DGKB: variants seen among roughly 807,000 people sequenced by gnomAD.
DGKB encodes diacylglycerol kinase beta, also known as 90 kDa diacylglycerol kinase.
DGKB carries 67 observed loss-of-function variants against 114.3 expected under a neutral mutation model. The observed-to-expected ratio is 0.59, with a 90% CI of 0.48 to 0.72. DGKB has a LOEUF of 0.72. Among genes scored for constraint, DGKB ranks in the 30% least tolerant of loss-of-function variants. The probability of loss-of-function intolerance (pLI) is 0.00; values close to 1 mark genes in which losing one functional copy is unlikely to be tolerated. For synonymous variants in DGKB, 398 were observed against 323.1 expected (o/e 1.23, Z -2.49); for missense variants, 907 against 975.2 (o/e 0.93, Z 0.93).
In DGKB at chr7:14,880,439, C is replaced by G. The variant is rs566988405; in HGVS notation, c.-188+22153G>C. ...TGCCATTGCACTCCAGCCTTGGCAA[C>G]AGAGTGAGACTCCATCTCAAATAAA... On this transcript the variant is annotated intron_variant, in intron 1 of 25. Coordinates refer to ENST00000402815, the MANE Select transcript of DGKB (RefSeq NM_001350709.2). Among the ~76,000 whole-genome samples the G allele has an allele frequency of 1.7e-4, 26 of 152,258 alleles. No individual in the cohort carries two copies. In the South Asian group the frequency reaches 5.0e-3, roughly 29 times the overall value.
At chr7:14,281,382 A>C (rs2128455372) in intron 23 of DGKB, among the ~76,000 whole-genome samples, 1 of 125,864 alleles carries the variant, frequency 7.9e-6, no homozygotes, top group Admixed American at 8.7e-5. Context: ...TGACCTACAA[A>C]GAGACTTAGA....
intron 1 of DGKB, among the ~76,000 whole-genome samples, chr7:14,933,987 T>C (rs1280521567): frequency 6.6e-6 from 1 of 152,180 alleles, no homozygotes; most frequent in Non-Finnish European, 1.5e-5. Context: ...ATTGAGTCTG[T>C]AGAAAAATGA....
chr7:14,733,778 G>GAAAAAGAAAGA lies in DGKB; in HGVS notation c.322+2262_322+2263insTCTTTCTTTTT, dbSNP rs766452135. 4.1e-5 allele frequency among the ~76,000 whole-genome samples: 6 copies of GAAAAAGAAAGA among 145,246 alleles called. No homozygotes were observed. The East Asian group carries it at 1.3e-3, about 31-fold the overall frequency. ...GAAAGAAAGAAAGAAAGAAAGAAAGGAAGAAAGAAAGAAGGGAGAGAGGGA... is the reference window on the plus strand; with the variant it reads ...GAAAGAAAGAAAGAAAGAAAGAAAGGAAAAAGAAAGAAAGAAAGAAAGAAGGGAGAGAGGGA... On this transcript the variant is annotated intron_variant, in intron 5 of 25. Coordinates refer to ENST00000402815, the MANE Select transcript of DGKB (RefSeq NM_001350709.2).
intron 23 of DGKB, among the ~76,000 whole-genome samples, chr7:14,232,438 C>CTAT (rs1288065882): frequency 1.3e-5 from 2 of 149,304 alleles, no homozygotes; most frequent in African/African-American, 2.5e-5. Flanking sequence ...ATTATTATTA[C>CTAT]TATTATTATT....
At chr7:14,425,704 GGA>G (rs1563158286) in intron 21 of DGKB, among the ~76,000 whole-genome samples, 1 of 152,082 alleles carries the variant, frequency 6.6e-6, no homozygotes, top group Admixed American at 6.6e-5. Flanking sequence ...TGTAACAGCA[GGA>G]GAGAGAAGAC....
chr7:14,504,650 C>T (rs1182070356), intron 20 of DGKB, among the ~76,000 whole-genome samples: 1 of 152,016 alleles, frequency 6.6e-6, no homozygotes, highest in East Asian at 1.9e-4. Flanking sequence ...TAGTCACAGG[C>T]ATCAATAAGT....
intron 15 of DGKB, among the ~76,000 whole-genome samples, chr7:14,615,691 G>A (rs934310878): frequency 1.7e-4 from 26 of 151,842 alleles, no homozygotes; most frequent in African/African-American, 6.0e-4. Context: ...CAATCAATTA[G>A]CAACCATTAT....
At chr7:14,707,193 A>G (rs2129021685) in intron 6 of DGKB, among the ~76,000 whole-genome samples, 1 of 128,148 alleles carries the variant, frequency 7.8e-6, no homozygotes, top group East Asian at 3.4e-4. Context: ...AAACACCTCT[A>G]TGCAAATAAA....
At chr7:14,280,532 A>T (rs1456885089) in intron 23 of DGKB, among the ~76,000 whole-genome samples, 2 of 148,764 alleles carry the variant, frequency 1.3e-5, no homozygotes, top group African/African-American at 4.9e-5. Context: ...ACTCCTCGAG[A>T]AGAGCAACTC....
chr7:14,809,612 T>C (rs1562593357), intron 2 of DGKB, among the ~76,000 whole-genome samples: 4 of 151,604 alleles, frequency 2.6e-5, no homozygotes, highest in African/African-American at 7.3e-5. Context: ...ACTGGGACAA[T>C]ATTTTTTTTT....
intron 23 of DGKB, among the ~76,000 whole-genome samples, chr7:14,329,845 C>G (rs1467835939): frequency 2.0e-5 from 3 of 151,912 alleles, no homozygotes; most frequent in African/African-American, 7.2e-5. Context: ...TATTATCAGG[C>G]AATATTTATT....
At chr7:14,646,093 A>C (rs896862494) in intron 13 of DGKB, among the ~76,000 whole-genome samples, 12 of 152,204 alleles carry the variant, frequency 7.9e-5, no homozygotes, top group African/African-American at 2.9e-4. Flanking sequence ...ATTAAAAAAC[A>C]ACAAGATCCA....
intron 20 of DGKB, among the ~76,000 whole-genome samples, chr7:14,482,993 G>A (rs1028480670): frequency 4.0e-5 from 6 of 151,800 alleles, no homozygotes. Flanking sequence ...AATCATCTGT[G>A]AAATGTTGGC....
At chr7:14,370,857 C>T (rs991950816) in intron 21 of DGKB, among the ~76,000 whole-genome samples, 4 of 152,010 alleles carry the variant, frequency 2.6e-5, no homozygotes, top group African/African-American at 7.2e-5. Context: ...TCTATTGTTG[C>T]CATGTTTGTC....
At chr7:14,595,514 T>C (rs1015929598) in intron 17 of DGKB, among the ~76,000 whole-genome samples, 2 of 138,278 alleles carry the variant, frequency 1.4e-5, no homozygotes, top group African/African-American at 5.8e-5. Flanking sequence ...ATGTAGGGCC[T>C]GATGTTTATA....
intron 21 of DGKB, among the ~76,000 whole-genome samples, chr7:14,387,590 T>G (rs1234740563): frequency 1.3e-5 from 2 of 152,002 alleles, no homozygotes; most frequent in Non-Finnish European, 2.9e-5. Flanking sequence ...TTGTTTTGTT[T>G]GTTTTCTGTA....
chr7:14,798,226 T>C (rs997527271), intron 2 of DGKB, among the ~76,000 whole-genome samples: 1 of 152,150 alleles, frequency 6.6e-6, no homozygotes, highest in Admixed American at 6.5e-5. Context: ...GTTTTCAGGA[T>C]TTAAACTGTC....
intron 23 of DGKB, among the ~76,000 whole-genome samples, chr7:14,300,755 T>C (rs1383894860): frequency 6.6e-6 from 1 of 152,136 alleles, no homozygotes; most frequent in Admixed American, 6.6e-5. Context: ...CAAAAATGTC[T>C]CCTATATGGC....
chr7:14,935,604 G>A (rs565351229), intron 1 of DGKB, among the ~76,000 whole-genome samples: 1 of 152,182 alleles, frequency 6.6e-6, no homozygotes, highest in East Asian at 1.9e-4. Context: ...TGTACATGAT[G>A]ATCTTTACAA....
Sources: gnomAD v4.1 joint callset for allele counts (sites outside exome capture counted in the v4.1 genomes callset) on GRCh38, gnomAD v4.1.1 for gene constraint, MANE v1.5 for transcripts, NCBI Gene and HGNC (gene_info 2026-07-23, HGNC 2026-07-21) for gene names.